Variants in RBMS3 observed in about 807,000 individuals in gnomAD.
RBMS3 encodes the protein RNA binding motif single stranded interacting protein 3.
A neutral mutation model predicts 66.8 loss-of-function variants in RBMS3; 27 were observed. That is an observed-to-expected ratio of 0.40 (90% CI 0.30 to 0.56). The LOEUF is 0.56. RBMS3 is among the 20% of genes least tolerant of loss of function. RBMS3 has a pLI of 0.40. For missense variants in RBMS3, 513 were observed against 549.5 expected (o/e 0.93, Z 0.66); for synonymous variants, 188 against 183.0 (o/e 1.03, Z -0.22).
chr3:29,639,853 A>G (rs2049629545), intron 4 of RBMS3, among the ~76,000 whole-genome samples: 2 of 151,982 alleles, frequency 1.3e-5, no homozygotes, highest in African/African-American at 2.4e-5. Context: ...AAGAAGAGAC[A>G]CTGAACAAGA....
intron 1 of RBMS3, among the ~76,000 whole-genome samples, chr3:29,333,374 G>A (rs1559495491): frequency 1.3e-5 from 2 of 152,082 alleles, no homozygotes; most frequent in Non-Finnish European, 2.9e-5. Flanking sequence ...CTATAATGTA[G>A]CATCAGCACG....
chr3:29,457,077 G>C (rs2042216338), intron 2 of RBMS3, among the ~76,000 whole-genome samples: 1 of 152,190 alleles, frequency 6.6e-6, no homozygotes, highest in African/African-American at 2.4e-5. Context: ...AGGTAGAATA[G>C]TGTATGTGAG....
rs200725025 is a variant in RBMS3, at chr3:29,864,821, A to AGGAAG, written c.638-4012_638-4008dup. On this transcript the variant is annotated intron_variant, in intron 6 of 14. Coordinates refer to ENST00000383767, the MANE Select transcript of RBMS3 (RefSeq NM_001003793.3). The stretch of plus-strand genomic sequence containing the variant: ...ACAGAAATGTAAAAGAAAGGAAGGA[A>AGGAAG]GGAAGGGAAGGGAAGGGAAGGGAAG... 2.6e-3 allele frequency among the ~76,000 whole-genome samples: 370 copies of AGGAAG among 140,530 alleles called. 1 individual carries two copies. The highest frequency in any genetic ancestry group is 7.1e-3 in the Middle Eastern group (2 of 282). 92.2% of individuals were successfully genotyped at this position (140,530 alleles called of 152,430 possible).
At chr3:29,532,890 G>T (rs774425261) in intron 3 of RBMS3, among the ~76,000 whole-genome samples, 1 of 152,026 alleles carries the variant, frequency 6.6e-6, no homozygotes, top group African/African-American at 2.4e-5. Context: ...GAAAAGCATG[G>T]CTCCTAAAAT....
rs770823442 is a variant in RBMS3 at position 30,006,706 on chromosome 3, A to G, written c.*2844A>G. On this transcript the variant is annotated 3_prime_UTR_variant, in exon 15 of 15. Transcript: ENST00000383767. ...GCATAATTCATTTGAATATGAAACC[A>G]ACATACTTTCTTTCATTTTTGTGAA... is the stretch of plus-strand genomic sequence containing the variant. 1 of 151,994 alleles carries G rather than the reference A, an allele frequency of 6.6e-6. No homozygotes were observed. Among genetic ancestry groups the G allele is most frequent in the African/African-American group, 2.4e-5 (1 of 41,422 alleles). The allele number at this position is 151,994 out of a possible 1,614,324, so 9.4% of individuals were successfully genotyped here. A position where few individuals can be genotyped will look rare whatever the true frequency, so the allele number is the denominator to read the frequency against.
At chr3:29,978,149 T>C (rs925401248) in intron 12 of RBMS3, among the ~76,000 whole-genome samples, 22 of 152,322 alleles carry the variant, frequency 1.4e-4, no homozygotes, top group African/African-American at 5.3e-4. Context: ...AATCAAACTA[T>C]GTGCTTGCAG....
At chr3:29,543,894 A>G (rs1488319267) in intron 3 of RBMS3, among the ~76,000 whole-genome samples, 1 of 152,122 alleles carries the variant, frequency 6.6e-6, no homozygotes. Context: ...AATAGAAAAT[A>G]TAATTATTGG....
intron 12 of RBMS3, among the ~76,000 whole-genome samples, chr3:29,985,546 C>A (rs986516159): frequency 6.6e-6 from 1 of 152,120 alleles, no homozygotes; most frequent in Non-Finnish European, 1.5e-5. Flanking sequence ...GTATCTGGGC[C>A]AGAATGCATG....
At chr3:29,760,252 A>AACACACAC (rs139553062) in intron 5 of RBMS3, among the ~76,000 whole-genome samples, 1,928 of 148,386 alleles carry the variant, frequency 0.013, 50 homozygotes, top group African/African-American at 0.045. Flanking sequence ...ATGTAGAATA[A>AACACACAC]ACACACACAC....
intron 4 of RBMS3, among the ~76,000 whole-genome samples, chr3:29,709,103 C>T (rs1214579247): frequency 6.6e-6 from 1 of 152,162 alleles, no homozygotes; most frequent in Non-Finnish European, 1.5e-5. Flanking sequence ...ACTCCTGCTT[C>T]CTTACGTTCC....
chr3:29,862,217 T>C (rs1200861406), intron 6 of RBMS3, among the ~76,000 whole-genome samples: 2 of 152,176 alleles, frequency 1.3e-5, no homozygotes. Flanking sequence ...GGTTAAAATA[T>C]AGATTTTGAT....
At chr3:29,648,705 A>C (rs1039803263) in intron 4 of RBMS3, among the ~76,000 whole-genome samples, 1 of 142,126 alleles carries the variant, frequency 7.0e-6, no homozygotes, top group Non-Finnish European at 1.5e-5. Flanking sequence ...AATTCTGTAG[A>C]ATTACAGTGT....
At chr3:29,541,857 C>G (rs1487453856) in intron 3 of RBMS3, among the ~76,000 whole-genome samples, 1 of 152,116 alleles carries the variant, frequency 6.6e-6, no homozygotes, top group Non-Finnish European at 1.5e-5. Flanking sequence ...CTACTGTCTC[C>G]TCTGCTTCAA....
rs115894628 is a variant in RBMS3 at position 29,349,696 on chromosome 3, T to C, written c.75+67940T>C. Among the ~76,000 whole-genome samples the C allele has an allele frequency of 6.7e-3, 1,021 of 152,334 alleles. 8 individuals carry two copies. Among genetic ancestry groups the C allele is most frequent in the African/African-American group, 0.023 (973 of 41,576 alleles). ...CTGACATTTTGCAAATGGTATTGTA[T>C]CGTGTGTCTAACAACTCAGCTGTCT... On this transcript the variant is annotated intron_variant, in intron 1 of 14. Transcript: ENST00000383767.
At chr3:29,848,722 T>A (rs1440585921) in intron 6 of RBMS3, among the ~76,000 whole-genome samples, 1 of 152,192 alleles carries the variant, frequency 6.6e-6, no homozygotes, top group Non-Finnish European at 1.5e-5. Flanking sequence ...AGAGAAATTA[T>A]TTTTAAAAAA....
Position 29,676,834 on chromosome 3 carries a change from G to T in RBMS3, c.400-62886G>T, listed in dbSNP as rs148653621. ...TTTTTCCCCTTCAAAACTAATTGCA[G>T]CATAGTTTTGTTTTGTAATTTCTTT... On this transcript the variant is annotated intron_variant, in intron 4 of 14. Coordinates refer to ENST00000383767, the MANE Select transcript of RBMS3 (RefSeq NM_001003793.3). Among the ~76,000 whole-genome samples the T allele has an allele frequency of 1.2e-3, 177 of 152,234 alleles. 2 individuals carry two copies. In the East Asian group the frequency reaches 0.029, roughly 25 times the overall value.
At chr3:29,688,476 AT>A (rs2051831836) in intron 4 of RBMS3, among the ~76,000 whole-genome samples, 1 of 150,150 alleles carries the variant, frequency 6.7e-6, no homozygotes, top group African/African-American at 2.5e-5. Context: ...TAGATCCCAC[AT>A]TGTGAATTTA....
chr3:29,838,589 G>C (rs991621792), intron 6 of RBMS3, among the ~76,000 whole-genome samples: 12 of 152,014 alleles, frequency 7.9e-5, no homozygotes, highest in Admixed American at 7.9e-4. Context: ...ACAGTGTTTT[G>C]ATTTATTTTA....
chr3:29,793,370 T>A (rs1055668644), intron 6 of RBMS3, among the ~76,000 whole-genome samples: 2 of 152,160 alleles, frequency 1.3e-5, no homozygotes, highest in African/African-American at 4.8e-5. Context: ...TTCTGTATAC[T>A]AAGAACCTGA....
Sources: gnomAD v4.1 joint callset for allele counts (sites outside exome capture counted in the v4.1 genomes callset) on GRCh38, gnomAD v4.1.1 for gene constraint, MANE v1.5 for transcripts, NCBI Gene and HGNC (gene_info 2026-07-23, HGNC 2026-07-21) for gene names.